The following ATXN7L1 variants were observed in gnomAD, a reference collection of about 807,000 sequenced individuals.
ATXN7L1 encodes the protein ataxin-7-like protein 1.
A neutral mutation model predicts 70.8 loss-of-function variants in ATXN7L1; 15 were observed. The observed-to-expected ratio is 0.21, with a 90% CI of 0.14 to 0.33. The LOEUF is 0.33. ATXN7L1 is among the 10% of genes least tolerant of loss of function. The pLI, the probability that ATXN7L1 is intolerant of heterozygous loss-of-function variation, is 1.00. For synonymous variants in ATXN7L1, 440 were observed against 445.1 expected (o/e 0.99, Z 0.14); for missense variants, 975 against 1,097.1 (o/e 0.89, Z 1.57).
At chr7:105,610,385 G>T in intron 11 of ATXN7L1, 144 bp downstream of exon 11, 1 of 705,940 alleles carries the variant, frequency 1.4e-6, no homozygotes, top group Non-Finnish European at 2.4e-6. Flanking sequence ...CAGCTAACTA[G>T]AAGGCCTAGG....
At chr7:105,759,653 A>G (rs1800298678) in intron 3 of ATXN7L1, among the ~76,000 whole-genome samples, 1 of 152,160 alleles carries the variant, frequency 6.6e-6, no homozygotes, top group South Asian at 2.1e-4. Flanking sequence ...TCTGGAACAC[A>G]GGGAGTTAAA....
At chr7:105,707,553 G>C (rs1224629075) in intron 3 of ATXN7L1, among the ~76,000 whole-genome samples, 1 of 152,180 alleles carries the variant, frequency 6.6e-6, no homozygotes, top group African/African-American at 2.4e-5. Context: ...AGCCAAGAAA[G>C]TCATCGATTC....
At position 105,704,856 on chromosome 7, in the gene ATXN7L1, C is replaced by T. The variant is rs138619103; in HGVS notation, c.356-39568G>A. Among the ~76,000 whole-genome samples, 1,415 of 151,794 alleles carry T rather than the reference C, an allele frequency of 9.3e-3. 34 individuals carry two copies. Among genetic ancestry groups the T allele is most frequent in the African/African-American group, 0.032 (1,345 of 41,390 alleles). On this transcript the variant is annotated intron_variant, in intron 3 of 11. Coordinates refer to ENST00000419735, the MANE Select transcript of ATXN7L1 (RefSeq NM_020725.2). ...AAACTCCTAACCTCAGGTGATCTGCCCCCCTTGGCCTCCCAAAGTGCTGGT... is the reference window on the plus strand; with the variant it reads ...AAACTCCTAACCTCAGGTGATCTGCTCCCCTTGGCCTCCCAAAGTGCTGGT...
At chr7:105,766,970 T>C (rs1801344074) in intron 3 of ATXN7L1, among the ~76,000 whole-genome samples, 1 of 152,114 alleles carries the variant, frequency 6.6e-6, no homozygotes, top group Non-Finnish European at 1.5e-5. Context: ...CGAAATTCAG[T>C]CTTTCTGAAG....
intron 2 of ATXN7L1, among the ~76,000 whole-genome samples, chr7:105,859,059 G>A (rs1000169039): frequency 1.1e-4 from 17 of 151,886 alleles, no homozygotes; most frequent in African/African-American, 4.1e-4. Context: ...GGGGGTGGGG[G>A]CATGACAGGT....
At chr7:105,777,914 T>C (rs1490259859) in intron 3 of ATXN7L1, among the ~76,000 whole-genome samples, 1 of 152,198 alleles carries the variant, frequency 6.6e-6, no homozygotes, top group African/African-American at 2.4e-5. Flanking sequence ...GTTTTTACTC[T>C]TCTGTGTTCT....
intron 3 of ATXN7L1, among the ~76,000 whole-genome samples, chr7:105,739,740 C>A (rs1378552137): frequency 6.6e-6 from 1 of 152,202 alleles, no homozygotes; most frequent in Non-Finnish European, 1.5e-5. Context: ...CAGCACTGGG[C>A]CTGAGGAATC....
intron 9 of ATXN7L1, among the ~76,000 whole-genome samples, chr7:105,615,635 G>A (rs959713126): frequency 2.0e-5 from 3 of 152,184 alleles, no homozygotes; most frequent in Non-Finnish European, 2.9e-5. Context: ...CACCCCACAC[G>A]GGTCTTCTTG....
intron 3 of ATXN7L1, among the ~76,000 whole-genome samples, chr7:105,708,507 A>C (rs1563024349): frequency 6.6e-6 from 1 of 152,232 alleles, no homozygotes; most frequent in East Asian, 1.9e-4. Flanking sequence ...ATTAAAATAA[A>C]TTGGAGCGCA....
In ATXN7L1 at chr7:105,826,182, A is replaced by C. The variant is rs548205936; in HGVS notation, c.251-37474T>G. 1.7e-4 allele frequency among the ~76,000 whole-genome samples: 26 copies of C among 152,358 alleles called. No individual in the cohort carries two copies. In the South Asian group the frequency reaches 4.6e-3, roughly 27 times the overall value. On this transcript the variant is annotated intron_variant, in intron 2 of 11. Transcript: ENST00000419735. ...GGGACTGCTATTGAATTAAGTTTTTAGTACAACTTGGCTTTTAAACTGTAC... is the reference window on the plus strand; with the variant it reads ...GGGACTGCTATTGAATTAAGTTTTTCGTACAACTTGGCTTTTAAACTGTAC...
intron 6 of ATXN7L1, among the ~76,000 whole-genome samples, chr7:105,638,823 T>A (rs1319407478): frequency 6.6e-6 from 1 of 152,074 alleles, no homozygotes; most frequent in Non-Finnish European, 1.5e-5. Flanking sequence ...AAGCCAAAGC[T>A]TCCTCCAAAA....
At chr7:105,659,740 A>G (rs543414576) in intron 4 of ATXN7L1, among the ~76,000 whole-genome samples, 9 of 151,938 alleles carry the variant, frequency 5.9e-5, no homozygotes, top group Admixed American at 2.6e-4. Context: ...TTCTTCTCAC[A>G]CCATATACCT....
At chr7:105,639,138 AG>A (rs1379654695) in intron 6 of ATXN7L1, among the ~76,000 whole-genome samples, 1 of 151,560 alleles carries the variant, frequency 6.6e-6, no homozygotes, top group Non-Finnish European at 1.5e-5. Flanking sequence ...GCTGCCTTTC[AG>A]GGCGCTGCCG....
intron 2 of ATXN7L1, among the ~76,000 whole-genome samples, chr7:105,854,079 C>G (rs1815320269): frequency 6.6e-6 from 1 of 152,224 alleles, no homozygotes; most frequent in Non-Finnish European, 1.5e-5. Flanking sequence ...GAGCCCATCT[C>G]TGCAGGCAGG....
At chr7:105,761,875 C>T (rs879345827) in intron 3 of ATXN7L1, among the ~76,000 whole-genome samples, 5 of 152,180 alleles carry the variant, frequency 3.3e-5, no homozygotes, top group Non-Finnish European at 7.4e-5. Flanking sequence ...TATTCTAATA[C>T]TTGTCATCCA....
intron 3 of ATXN7L1, among the ~76,000 whole-genome samples, chr7:105,695,144 G>A (rs190319361): frequency 1.3e-4 from 19 of 151,672 alleles, no homozygotes; most frequent in Non-Finnish European, 2.2e-4. Context: ...AAAATTAGCC[G>A]GGCGTGGTGG....
At chr7:105,628,915 C>T (rs1001794700) in intron 7 of ATXN7L1, among the ~76,000 whole-genome samples, 6 of 149,916 alleles carry the variant, frequency 4.0e-5, no homozygotes, top group African/African-American at 1.5e-4. Context: ...AGTTAGCTAA[C>T]ATATGTCACC....
intron 3 of ATXN7L1, among the ~76,000 whole-genome samples, chr7:105,695,401 G>T (rs183477249): frequency 6.6e-5 from 10 of 152,204 alleles, no homozygotes. Context: ...AACACAGAAG[G>T]GTTCCTTTCC....
chr7:105,758,081 T>TA (rs1489609326), intron 3 of ATXN7L1, among the ~76,000 whole-genome samples: 1 of 152,096 alleles, frequency 6.6e-6, no homozygotes, highest in Non-Finnish European at 1.5e-5. Flanking sequence ...TCCGAGTCCC[T>TA]ACTCCAAAAC....
Sources: allele counts gnomAD v4.1 joint callset (sites outside exome capture counted in the v4.1 genomes callset), GRCh38; gene constraint gnomAD v4.1.1; transcripts MANE v1.5; gene names NCBI Gene and HGNC (gene_info 2026-07-23, HGNC 2026-07-21).